Variants in PRELID2 observed in about 807,000 individuals in gnomAD.
PRELID2 encodes the protein PRELI domain-containing protein 2.
PRELID2 carries 25 observed loss-of-function variants against 28.4 expected under a neutral mutation model. The observed-to-expected ratio is 0.88, with a 90% CI of 0.64 to 1.23. PRELID2 has a LOEUF of 1.23. PRELID2 is among the 50% of genes most tolerant of loss of function. The pLI is 0.00. For synonymous variants in PRELID2, 76 were observed against 71.6 expected (o/e 1.06, Z -0.31); for missense variants, 201 against 214.4 (o/e 0.94, Z 0.39).
chr5:145,299,994 CA>C, the PRELID2 span, among the ~76,000 whole-genome samples: 6 of 151,884 alleles, frequency 4.0e-5, no homozygotes, highest in Admixed American at 2.6e-4. Context: ...TGTCTTTTTT[CA>C]TTTCATTATG....
At chr5:145,253,652 T>A in the PRELID2 span, among the ~76,000 whole-genome samples, 1 of 152,012 alleles carries the variant, frequency 6.6e-6, no homozygotes, top group Admixed American at 6.6e-5. Context: ...TTGCCTCTCC[T>A]TGTAGAAGCC....
At chr5:145,649,835 T>C (rs1754258788) in intron 1 of PRELID2, among the ~76,000 whole-genome samples, 1 of 152,234 alleles carries the variant, frequency 6.6e-6, no homozygotes. Flanking sequence ...TTAACACTAA[T>C]ATCTGGATCT....
chr5:145,698,021 C>A lies in PRELID2; in HGVS notation n.70+66910G>T, dbSNP rs370180774. Among the ~76,000 whole-genome samples, 21 of 151,762 alleles carry A rather than the reference C, an allele frequency of 1.4e-4. No homozygotes were observed. The South Asian group carries it at 4.4e-3, about 31-fold the overall frequency. On this transcript the variant is annotated intron_variant and non_coding_transcript_variant, in intron 1 of 2. Coordinates refer to the PRELID2 transcript ENST00000510259. ...ATATATATATATATACATGAAGTTA[C>A]GGTTTGCAAGGCAATTCAAAACATA...
intron 1 of PRELID2, among the ~76,000 whole-genome samples, chr5:145,493,889 A>G (rs1379279392): frequency 2.0e-5 from 3 of 152,210 alleles, no homozygotes; most frequent in African/African-American, 7.2e-5. Flanking sequence ...ATGACTCTTA[A>G]GAATTTCCTT....
At chr5:145,373,039 GAT>G in the PRELID2 span, among the ~76,000 whole-genome samples, 9 of 81,876 alleles carry the variant, frequency 1.1e-4, no homozygotes, top group Non-Finnish European at 4.5e-5. Flanking sequence ...TATATAATAT[GAT>G]ATATATTACA....
intron 3 of PRELID2, chr5:145,819,514 C>T (rs1047018933): frequency 2.8e-6 from 2 of 722,294 alleles, no homozygotes; most frequent in Non-Finnish European, 4.7e-6. Flanking sequence ...TGTGGAGAAC[C>T]TTATACTCTG....
intron 1 of PRELID2, among the ~76,000 whole-genome samples, chr5:145,558,252 C>A (rs191932552): frequency 6.6e-6 from 1 of 152,258 alleles, no homozygotes; most frequent in East Asian, 1.9e-4. Context: ...AAAGGATGTA[C>A]TCGATAATTA....
At chr5:145,591,116 C>T (rs111419630) in intron 1 of PRELID2, among the ~76,000 whole-genome samples, 153 of 149,602 alleles carry the variant, frequency 1.0e-3, no homozygotes, top group African/African-American at 3.6e-3. Flanking sequence ...TGCAACATGG[C>T]GAGACCCTGT....
chr5:145,740,777 AT>A (rs1756669988), intron 1 of PRELID2, among the ~76,000 whole-genome samples: 2 of 118,060 alleles, frequency 1.7e-5, no homozygotes, highest in African/African-American at 3.3e-5. Flanking sequence ...TATATAATAT[AT>A]TTATACATAT....
chr5:145,283,772 T>C, the PRELID2 span, among the ~76,000 whole-genome samples: 2 of 152,206 alleles, frequency 1.3e-5, no homozygotes, highest in Non-Finnish European at 2.9e-5. Flanking sequence ...CTCTTAATGT[T>C]TGGCCAGCTG....
chr5:145,316,915 T>C, the PRELID2 span, among the ~76,000 whole-genome samples: 6 of 152,350 alleles, frequency 3.9e-5, no homozygotes, highest in African/African-American at 1.4e-4. Context: ...CATTTAACTC[T>C]GAAGAATTTA....
intron 4 of PRELID2, among the ~76,000 whole-genome samples, chr5:145,817,430 T>TATATTTATATATATATATATATAA (rs1754437125): frequency 7.4e-6 from 1 of 135,376 alleles, no homozygotes; most frequent in South Asian, 2.3e-4. Flanking sequence ...TTTATATATA[T>TATATTTATATATATATATATATAA]ATATATATAT....
chr5:145,516,918 GAA>G (rs1230192123), intron 1 of PRELID2, among the ~76,000 whole-genome samples: 2 of 152,146 alleles, frequency 1.3e-5, no homozygotes, highest in African/African-American at 4.8e-5. Flanking sequence ...ATGGTGTTGG[GAA>G]AACTGGCTAG....
chr5:145,410,011 C>T, the PRELID2 span, among the ~76,000 whole-genome samples: 2 of 152,120 alleles, frequency 1.3e-5, no homozygotes, highest in East Asian at 3.8e-4. Context: ...AAGCCAAATA[C>T]TTACAGCCAA....
chr5:145,282,165 G>T, the PRELID2 span, among the ~76,000 whole-genome samples: 3 of 152,002 alleles, frequency 2.0e-5, no homozygotes, highest in Non-Finnish European at 4.4e-5. Flanking sequence ...GTTAACTATT[G>T]GTGTTGTTAA....
the PRELID2 span, among the ~76,000 whole-genome samples, chr5:145,358,495 G>T: frequency 6.6e-6 from 1 of 152,052 alleles, no homozygotes; most frequent in African/African-American, 2.4e-5. Context: ...ACAGAAATGA[G>T]ACTGCTGGGC....
intron 1 of PRELID2, among the ~76,000 whole-genome samples, chr5:145,660,848 A>G (rs1295013311): frequency 6.6e-6 from 1 of 152,236 alleles, no homozygotes; most frequent in East Asian, 1.9e-4. Flanking sequence ...TAAAACTGGG[A>G]AAAAGCGGTA....
chr5:145,428,707 G>A, the PRELID2 span, among the ~76,000 whole-genome samples: 1 of 152,162 alleles, frequency 6.6e-6, no homozygotes, highest in African/African-American at 2.4e-5. Flanking sequence ...AACAGAGTGA[G>A]ATGCAGAGAT....
At chr5:145,379,841 C>G in the PRELID2 span, among the ~76,000 whole-genome samples, 1 of 151,990 alleles carries the variant, frequency 6.6e-6, no homozygotes, top group Non-Finnish European at 1.5e-5. Flanking sequence ...GTGTGGGCCC[C>G]GAGAGCACTC....
Sources: allele counts gnomAD v4.1 joint callset (sites outside exome capture counted in the v4.1 genomes callset), GRCh38; gene constraint gnomAD v4.1.1; transcripts MANE v1.5; gene names NCBI Gene and HGNC (gene_info 2026-07-23, HGNC 2026-07-21).